The following CDH9 variants were observed in gnomAD, a reference collection of about 807,000 sequenced individuals.
CDH9 encodes the protein cadherin-9.
A neutral mutation model predicts 70.9 loss-of-function variants in CDH9; 28 were observed. The ratio of observed to expected loss-of-function variants is 0.40; its 90% confidence interval spans 0.29 to 0.54. The LOEUF is 0.54. CDH9 is among the 20% of genes least tolerant of loss of function. The pLI is 0.59. For missense variants in CDH9, 874 were observed against 984.4 expected, an observed-to-expected ratio of 0.89 and a Z score of 1.50; for synonymous variants, 409 against 343.1, an observed-to-expected ratio of 1.19 and a Z score of -2.12.
rs549664152 is a variant in CDH9 at position 26,917,268 on chromosome 5, A to T, written c.229-1344T>A. 4.6e-5 allele frequency among the ~76,000 whole-genome samples: 7 copies of T among 152,070 alleles called. No individual in the cohort carries two copies. The South Asian group carries it at 1.4e-3, about 31-fold the overall frequency. On this transcript the variant is annotated intron_variant, in intron 2 of 11. Transcript: ENST00000231021. ...TTATCTTTTTTTTTGTGGTGAGAAC[A>T]TTTACAAGGATGTGGATGCAGATGG...
At chr5:26,882,474 T>C (rs888716711) in intron 11 of CDH9, among the ~76,000 whole-genome samples, 6 of 152,120 alleles carry the variant, frequency 3.9e-5, no homozygotes, top group Non-Finnish European at 7.4e-5. Flanking sequence ...TTTCTCATTA[T>C]AATACTGGGA....
chr5:26,956,616 G>T (rs1741950832), intron 2 of CDH9, among the ~76,000 whole-genome samples: 1 of 151,988 alleles, frequency 6.6e-6, no homozygotes, highest in Non-Finnish European at 1.5e-5. Flanking sequence ...GTAATCTCTG[G>T]TGTGTCTGTA....
chr5:26,992,077 C>T (rs1451478829), intron 1 of CDH9, among the ~76,000 whole-genome samples: 2 of 152,126 alleles, frequency 1.3e-5, no homozygotes, highest in African/African-American at 4.8e-5. Flanking sequence ...ACTGGATTCT[C>T]ATAAGCAGCA....
chr5:26,962,576 G>C (rs772740715), intron 2 of CDH9, among the ~76,000 whole-genome samples: 230 of 152,204 alleles, frequency 1.5e-3, no homozygotes, highest in African/African-American at 3.9e-3. Flanking sequence ...GCCCAGTGAT[G>C]ATGAGCATTT....
At chr5:26,946,605 A>T (rs1290463286) in intron 2 of CDH9, among the ~76,000 whole-genome samples, 1 of 152,186 alleles carries the variant, frequency 6.6e-6, no homozygotes, top group Non-Finnish European at 1.5e-5. Flanking sequence ...CTTTATAAAT[A>T]GGTTAAGGGA....
chr5:26,915,598 A>G, intron 3 of CDH9, 32 bp downstream of exon 3: 1 of 1,262,058 alleles, frequency 7.9e-7, no homozygotes, highest in East Asian at 2.3e-5. Flanking sequence ...AAACAAATAA[A>G]AAGTAGTTTA....
intron 7 of CDH9, among the ~76,000 whole-genome samples, chr5:26,896,604 A>T (rs1740756158): frequency 7.3e-6 from 1 of 137,276 alleles, no homozygotes; most frequent in Non-Finnish European, 1.7e-5. Flanking sequence ...AGAAATAAAT[A>T]AGTTATTTGA....
At chr5:27,022,772 A>AT (rs1743161082) in intron 1 of CDH9, among the ~76,000 whole-genome samples, 1 of 152,052 alleles carries the variant, frequency 6.6e-6, no homozygotes, top group Admixed American at 6.6e-5. Flanking sequence ...ATGTGGGAAA[A>AT]TTTAGGCAAT....
intron 1 of CDH9, among the ~76,000 whole-genome samples, chr5:27,034,581 A>T: frequency 7.1e-6 from 1 of 141,564 alleles, no homozygotes; most frequent in East Asian, 2.0e-4. Flanking sequence ...TCTCTCTCTT[A>T]CACACACACA....
In CDH9 at chr5:26,976,641, T is replaced by C. The variant is rs559725148; in HGVS notation, c.228+11465A>G. 3.9e-5 allele frequency among the ~76,000 whole-genome samples: 6 copies of C among 152,258 alleles called. No individual in the cohort carries two copies. The South Asian group carries it at 1.0e-3, about 26-fold the overall frequency. On this transcript the variant is annotated intron_variant, in intron 2 of 11. Transcript: ENST00000231021. The stretch of plus-strand genomic sequence containing the variant: ...TTTGTGTAAAGATGAGGTTTTGCCA[T>C]GTTGCACAGGCTGGTCTTGAACTCC...
chr5:26,947,999 G>A (rs1325927436), intron 2 of CDH9, among the ~76,000 whole-genome samples: 7 of 152,218 alleles, frequency 4.6e-5, no homozygotes, highest in East Asian at 1.9e-4. Flanking sequence ...TTTGAACACC[G>A]AGAGTCGAAA....
rs1381024715 is a variant in CDH9 at position 26,988,272 on chromosome 5, G to T, written c.62C>A (p.Thr21Asn). Residue 21 changes from threonine to asparagine, a missense_variant, in exon 2 of 12, where the codon ACC becomes AAC. Transcript: ENST00000231021. ...IWTYMFHTVD[T>N]ILLQEKPNSY... The stretch of plus-strand genomic sequence containing the variant: ...GTTAGGTTTTTCTTGTAATAGGATG[G>T]TGTCAACTGTATGGAACATATAGGT... The T allele has an allele frequency of 1.4e-5, 22 of 1,613,338 alleles. No individual in the cohort carries two copies. In the South Asian group the frequency reaches 1.8e-4, roughly 13 times the overall value.
chr5:26,930,546 C>A (rs1340923794), intron 2 of CDH9, among the ~76,000 whole-genome samples: 2 of 152,044 alleles, frequency 1.3e-5, no homozygotes, highest in Non-Finnish European at 2.9e-5. Context: ...ACAATTCAAA[C>A]CCATGTTGTT....
At chr5:26,917,528 C>T (rs1285222795) in intron 2 of CDH9, among the ~76,000 whole-genome samples, 1 of 152,002 alleles carries the variant, frequency 6.6e-6, no homozygotes, top group African/African-American at 2.4e-5. Flanking sequence ...TTCAGCATTC[C>T]ATTTTATCTT....
intron 1 of CDH9, among the ~76,000 whole-genome samples, chr5:27,008,114 T>G (rs964710415): frequency 6.6e-6 from 1 of 152,210 alleles, no homozygotes; most frequent in African/African-American, 2.4e-5. Flanking sequence ...ATGAGTTTAC[T>G]GGAATTTATT....
intron 2 of CDH9, among the ~76,000 whole-genome samples, chr5:26,971,032 T>A (rs1742211092): frequency 6.6e-6 from 1 of 152,178 alleles, no homozygotes; most frequent in African/African-American, 2.4e-5. Flanking sequence ...GCCATTCTTA[T>A]CAAAATTCCC....
rs1222584395 is a variant in CDH9 at position 26,881,289 on chromosome 5, G to A, written c.2217C>T (p.Ala739=). 2 of 1,612,984 alleles carry A rather than the reference G, an allele frequency of 1.2e-6. No homozygotes were observed. The highest frequency in any genetic ancestry group is 1.7e-6 in the Non-Finnish European group (2 of 1,179,152). The change falls in exon 12 of 12, where the codon GCC becomes GCT. Residue 739 remains alanine, a synonymous_variant. Transcript: ENST00000231021. ...APPYDSLATY[A]YEGNDSIADS... ...CTGCTATGGAATCATTCCCTTCATA[G>A]GCATACGTTGCCAGCGAATCATATG...
chr5:27,009,273 C>T (rs150269782), intron 1 of CDH9, among the ~76,000 whole-genome samples: 2,731 of 152,164 alleles, frequency 0.018, 37 homozygotes, highest in Middle Eastern at 0.051. Context: ...GTAGTTTCTA[C>T]ATCAAGTTTA....
At chr5:26,926,324 G>C (rs1435185938) in intron 2 of CDH9, among the ~76,000 whole-genome samples, 4 of 151,904 alleles carry the variant, frequency 2.6e-5, no homozygotes, top group Admixed American at 1.3e-4. Context: ...CAAATCATGA[G>C]TGAACTCCCA....
Sources: allele counts gnomAD v4.1 joint callset (sites outside exome capture counted in the v4.1 genomes callset), GRCh38; gene constraint gnomAD v4.1.1; transcripts MANE v1.5; gene names NCBI Gene and HGNC (gene_info 2026-07-23, HGNC 2026-07-21).